Variants in DST observed in about 807,000 individuals in gnomAD.
DST encodes bullous pemphigoid antigen.
A neutral mutation model predicts 875.2 loss-of-function variants in DST; 253 were observed. That is an observed-to-expected ratio of 0.29 (90% CI 0.26 to 0.32). The LOEUF (loss-of-function observed/expected upper bound fraction) is 0.32. DST is among the 10% of genes least tolerant of loss of function. DST has a pLI of 1.00. For synonymous variants in DST, 3,124 were observed against 3,197.1 expected, an observed-to-expected ratio of 0.98 and a Z score of 0.77; for missense variants, 8,287 against 9,111.6, an observed-to-expected ratio of 0.91 and a Z score of 3.68.
At chr6:56,871,061 AT>A (rs944812910) in intron 3 of DST, 6 of 454,136 alleles carry the variant, frequency 1.3e-5, no homozygotes, top group Non-Finnish European at 2.4e-5. Flanking sequence ...AAAATAGCAA[AT>A]GAAATGGACA....
At chr6:56,628,185 T>C (rs1454790269) in intron 32 of DST, 24 bp from the exon 33 acceptor site, 1 of 1,607,954 alleles carries the variant, frequency 6.2e-7, no homozygotes, top group East Asian at 2.2e-5. Flanking sequence ...AACCGAATAG[T>C]CACGGTGTCC....
chr6:56,871,776 TAA>T (rs746142378), intron 3 of DST: 2,858 of 94,706 alleles, frequency 0.03, 8 homozygotes, highest in South Asian at 0.05. Context: ...CAATTAAAAG[TAA>T]AAAAAAAAAA....
intron 3 of DST, among the ~76,000 whole-genome samples, chr6:56,880,000 A>AT (rs1484854800): frequency 6.6e-6 from 1 of 152,228 alleles, no homozygotes; most frequent in Non-Finnish European, 1.5e-5. Context: ...TGATAAAGAC[A>AT]TTTTTAAAAT....
At chr6:56,758,016 A>G (rs920403090) in intron 4 of DST, among the ~76,000 whole-genome samples, 2 of 152,244 alleles carry the variant, frequency 1.3e-5, no homozygotes, top group African/African-American at 4.8e-5. Flanking sequence ...TTGAAATGGA[A>G]AATTTCCCAG....
chr6:56,636,235 C>CATTT (rs1554540847), intron 23 of DST, among the ~76,000 whole-genome samples: 42 of 142,762 alleles, frequency 2.9e-4, no homozygotes, highest in African/African-American at 7.8e-4. Flanking sequence ...AAACAATTCA[C>CATTT]ATATATATAT....
chr6:56,940,837 C>T (rs1031570911), intron 2 of DST, among the ~76,000 whole-genome samples: 1 of 151,864 alleles, frequency 6.6e-6, no homozygotes, highest in Non-Finnish European at 1.5e-5. Context: ...TGATCCTCCC[C>T]CGTCAGCCTC....
chr6:56,879,789 A>T (rs1177219284), intron 3 of DST, among the ~76,000 whole-genome samples: 1 of 152,226 alleles, frequency 6.6e-6, no homozygotes, highest in South Asian at 2.1e-4. Context: ...CAGAGAAATT[A>T]AGTAACTCAC....
At position 56,509,716 on chromosome 6, in the gene DST, T is replaced by C. The variant is rs781596409; in HGVS notation, c.18938A>G (p.Tyr6313Cys). Residue 6313 changes from tyrosine to cysteine, a missense_variant, in exon 74 of 104, where the codon TAT becomes TGT. Physicochemically the swap from Tyr to Cys is radical, Grantham distance 194. Transcript: ENST00000680361. ...CTCTCCCCTCTGTTTAAGAGTTTCA[T>C]ACAACGGCTGTAGCTTTTCCATGTC... ...SVDMEKLQPLYETLKQRGEEM... is the reference protein window; with the variant it reads ...SVDMEKLQPLCETLKQRGEEM... 4.6e-5 allele frequency: 74 copies of C among 1,613,720 alleles called. No homozygotes were observed. The highest frequency in any genetic ancestry group is 1.3e-4 in the Admixed American group (8 of 59,980).
chr6:56,845,571 C>A (rs540032366), intron 4 of DST, among the ~76,000 whole-genome samples: 2 of 152,314 alleles, frequency 1.3e-5, no homozygotes, highest in South Asian at 2.1e-4. Flanking sequence ...CATTTGTATG[C>A]ACATTAGTTC....
chr6:56,893,588 A>ATTTTTTTTTTTTTTTTT (rs1788963958), intron 3 of DST, among the ~76,000 whole-genome samples: 1 of 65,140 alleles, frequency 1.5e-5, no homozygotes, highest in Non-Finnish European at 2.8e-5. Context: ...TTTTTTTTTT[A>ATTTTTTTTTTTTTTTTT]TTTTTTTTTA....
chr6:56,783,225 A>T (rs1247470297), intron 4 of DST, among the ~76,000 whole-genome samples: 1 of 152,196 alleles, frequency 6.6e-6, no homozygotes, highest in Admixed American at 6.5e-5. Context: ...AGAGTTCTGT[A>T]GATGTCTATT....
At chr6:56,812,732 T>C (rs2099761915) in intron 4 of DST, among the ~76,000 whole-genome samples, 1 of 152,214 alleles carries the variant, frequency 6.6e-6, no homozygotes, top group African/African-American at 2.4e-5. Flanking sequence ...ATATTCTCAT[T>C]TAATTTAAAA....
chr6:56,789,140 C>T (rs2099710734), intron 4 of DST, among the ~76,000 whole-genome samples: 1 of 152,182 alleles, frequency 6.6e-6, no homozygotes, highest in Non-Finnish European at 1.5e-5. Flanking sequence ...AGACTAGCCT[C>T]AGCAACATAG....
intron 2 of DST, among the ~76,000 whole-genome samples, chr6:56,905,013 C>G (rs1167102013): frequency 1.3e-5 from 2 of 152,218 alleles, no homozygotes; most frequent in African/African-American, 2.4e-5. Context: ...TGGTCTTGAT[C>G]TCCTGACCTC....
At chr6:56,472,012 A>G in intron 94 of DST, 47 bp downstream of exon 94, 1 of 1,594,984 alleles carries the variant, frequency 6.3e-7, no homozygotes, top group Non-Finnish European at 8.6e-7. Flanking sequence ...TGTTATGAGG[A>G]ATGAGGGCAA....
intron 2 of DST, among the ~76,000 whole-genome samples, chr6:56,904,958 T>C (rs1290226882): frequency 6.6e-6 from 1 of 151,992 alleles, no homozygotes; most frequent in Non-Finnish European, 1.5e-5. Flanking sequence ...CCCAGCTAAT[T>C]TTTGTATTTT....
chr6:56,511,452 A>G, intron 72 of DST, 52 bp from the exon 73 acceptor site: 1 of 1,455,332 alleles, frequency 6.9e-7, no homozygotes, highest in Non-Finnish European at 9.4e-7. Context: ...CCTCCATATT[A>G]CAGCTGTCTA....
intron 47 of DST, among the ~76,000 whole-genome samples, chr6:56,595,783 C>G (rs904623258): frequency 7.4e-6 from 1 of 135,200 alleles, no homozygotes; most frequent in African/African-American, 3.9e-5. Flanking sequence ...TATGCTACCC[C>G]CACCCCACCC....
chr6:56,954,643 C>G lies in DST; in HGVS notation c.-56G>C. 2 of 1,197,790 alleles carry G rather than the reference C, an allele frequency of 1.7e-6. No homozygotes were observed. The highest frequency in any genetic ancestry group is 2.1e-6 in the Non-Finnish European group (2 of 937,456). The allele number at this position is 1,197,790 out of a possible 1,614,324, so 74.2% of individuals were successfully genotyped here. ...CGGGGCTGGAGGGCGGCGGCACAGG[C>G]ACCCGCGCTGGGCGCACGCCGGGAC... On this transcript the variant is annotated 5_prime_UTR_variant, in exon 1 of 104. Transcript: ENST00000680361.
Sources: gnomAD v4.1 joint callset for allele counts (sites outside exome capture counted in the v4.1 genomes callset) on GRCh38, gnomAD v4.1.1 for gene constraint, MANE v1.5 for transcripts, NCBI Gene and HGNC (gene_info 2026-07-23, HGNC 2026-07-21) for gene names.